The following VPS33B variants were observed in gnomAD, a reference collection of about 807,000 sequenced individuals.
VPS33B encodes the protein vacuolar protein sorting-associated protein 33B.
In VPS33B, 80 loss-of-function variants were observed where a neutral mutation model predicts 95.3. The ratio of observed to expected loss-of-function variants is 0.84; its 90% CI spans 0.70 to 1.01. The LOEUF is 1.01. Among genes scored for constraint, VPS33B ranks in the 50% least tolerant of loss-of-function variants. VPS33B has a pLI of 0.00. For synonymous variants in VPS33B, 280 were observed against 280.4 expected (o/e 1.00, Z 0.01); for missense variants, 715 against 773.4 (o/e 0.92, Z 0.90).
intron 1 of VPS33B, among the ~76,000 whole-genome samples, chr15:91,020,162 T>C (rs996066883): frequency 3.9e-5 from 6 of 152,226 alleles, no homozygotes; most frequent in Admixed American, 3.3e-4. Flanking sequence ...TTATAACTTA[T>C]GGTAGGGCTA....
chr15:91,002,263 G>C lies in VPS33B; in HGVS notation c.1273-81C>G. 2 of 1,576,170 alleles carry C rather than the reference G, an allele frequency of 1.3e-6. No individual in the cohort carries two copies. The highest frequency in any genetic ancestry group is 1.7e-6 in the Non-Finnish European group (2 of 1,155,560). On this transcript the variant is annotated intron_variant, in intron 17 of 22. Transcript: ENST00000333371. This position sits in a 1 kb window ranked among gnomAD's most constrained non-coding sequence, Gnocchi z 4.7. The stretch of plus-strand genomic sequence containing the variant: ...TCAGGTACTACAGAGTTGAGCAGAA[G>C]GACTATGAAGCCTCTGCTGCAGTGT...
At chr15:91,022,127 C>A (rs1287685462) in intron 1 of VPS33B, 27 bp downstream of exon 1, 1 of 1,552,422 alleles carries the variant, frequency 6.4e-7, no homozygotes. Context: ...ACTGTAGATG[C>A]GATAAAGGCG....
chr15:91,008,333 CG>C (rs2040676458), intron 6 of VPS33B, among the ~76,000 whole-genome samples: 1 of 152,170 alleles, frequency 6.6e-6, no homozygotes, highest in African/African-American at 2.4e-5. Context: ...GGTGCAGTCT[CG>C]GCTCACTGCA....
rs978871379 is a variant in VPS33B at position 91,022,330 on chromosome 15, G to A, written c.-81C>T. 1.8e-5 allele frequency: 26 copies of A among 1,415,254 alleles called. No individual in the cohort carries two copies. The highest frequency in any genetic ancestry group is 2.2e-5 in the Non-Finnish European group (23 of 1,052,616). The allele number at this position is 1,415,254 out of a possible 1,614,324, so 87.7% of individuals were successfully genotyped here. A position where few individuals can be genotyped will look rare whatever the true frequency, so the allele number is the denominator to read the frequency against. Reference sequence around the variant, plus strand: ...GGCCGCAGCCCAGGGAAGCGCAAGGGGGGCTATCCTTCAGGCCTGGGCACC... The same window carrying A: ...GGCCGCAGCCCAGGGAAGCGCAAGGAGGGCTATCCTTCAGGCCTGGGCACC... On this transcript the variant is annotated 5_prime_UTR_variant, in exon 1 of 23. Transcript: ENST00000333371.
chr15:90,999,677 CT>C lies in VPS33B; in HGVS notation c.1773del (p.Gly592AlafsTer7). 6.2e-7 allele frequency: 1 copy of C among 1,614,036 alleles called. No individual in the cohort carries two copies. Among genetic ancestry groups the C allele is most frequent in the Non-Finnish European group, 8.5e-7 (1 of 1,179,944 alleles). ...ISALRFLGRE[K>X]GYRFIFLTTA... The stretch of plus-strand genomic sequence containing the variant: ...TTCTCACCTTTCTGCTCTCTCTTAC[CT>C]TTCTCTCTGCCCAGGAACCGGAGGG... On this transcript the variant is annotated frameshift_variant and splice_region_variant, in exon 22 of 23. Transcript: ENST00000333371. LOFTEE classifies it high-confidence loss of function. This position sits in a 1 kb window ranked among gnomAD's most constrained non-coding sequence, Gnocchi z 5.1.
intron 1 of VPS33B, among the ~76,000 whole-genome samples, chr15:91,019,874 C>T (rs1401598584): frequency 1.3e-5 from 2 of 151,446 alleles, no homozygotes; most frequent in Non-Finnish European, 2.9e-5. Context: ...GACGCGATCT[C>T]GGCTCACCGC....
At position 91,005,022 on chromosome 15, in the gene VPS33B, A is replaced by C; in HGVS notation, c.1170+33T>G. 6.2e-7 allele frequency: 1 copy of C among 1,614,152 alleles called. No homozygotes were observed. The highest frequency in any genetic ancestry group is 1.3e-5 in the African/African-American group (1 of 75,034). On this transcript the variant is annotated intron_variant, in intron 15 of 22. Coordinates refer to ENST00000333371, the MANE Select transcript of VPS33B (RefSeq NM_018668.5). This position sits in a 1 kb window ranked among gnomAD's most constrained non-coding sequence, Gnocchi z 6.4. The stretch of plus-strand genomic sequence containing the variant: ...AAGGCCGACCCCACCTCTAAATGCC[A>C]TTCTTGGCACCCCCAGCCCTCCACC...
In VPS33B at chr15:91,018,390, G is replaced by A. The variant is rs1009558160; in HGVS notation, c.97-505C>T. The stretch of plus-strand genomic sequence containing the variant: ...CCCCACCCCACAATCCCTGTCATAC[G>A]ATTCCTGCACCACCACTCCTGACAC... On this transcript the variant is annotated intron_variant, in intron 1 of 22. Coordinates refer to ENST00000333371, the MANE Select transcript of VPS33B (RefSeq NM_018668.5). The surrounding 1 kb of genome is among the most constrained non-coding windows in gnomAD (Gnocchi z 4.7). Among the ~76,000 whole-genome samples, 3 of 152,002 alleles carry A rather than the reference G, an allele frequency of 2.0e-5. No homozygotes were observed. Among genetic ancestry groups the A allele is most frequent in the African/African-American group, 7.3e-5 (3 of 41,368 alleles).
rs1478833803 is a variant in VPS33B, at chr15:91,002,038, C to T, written c.1405+12G>A. On this transcript the variant is annotated intron_variant, in intron 18 of 22. Coordinates refer to ENST00000333371, the MANE Select transcript of VPS33B (RefSeq NM_018668.5). The surrounding 1 kb of genome is among the most constrained non-coding windows in gnomAD (Gnocchi z 4.7). ...ACAGCTGGAGCAGGGGTCACTTGTG[C>T]TCCCTGCTTACCTGCAGCCTTGTCG... The T allele has an allele frequency of 3.1e-6, 5 of 1,613,584 alleles. No homozygotes were observed. Among genetic ancestry groups the T allele is most frequent in the Non-Finnish European group, 4.2e-6 (5 of 1,180,014 alleles).
Position 91,006,085 on chromosome 15 carries a change from G to A in VPS33B, c.853-26C>T. On this transcript the variant is annotated intron_variant, in intron 11 of 22. Coordinates refer to ENST00000333371, the MANE Select transcript of VPS33B (RefSeq NM_018668.5). This position sits in a 1 kb window ranked among gnomAD's most constrained non-coding sequence, Gnocchi z 5.4. The stretch of plus-strand genomic sequence containing the variant: ...CTGTGAGGACAGTAAGACAAGAACA[G>A]CTTACTCTGTCAGAACCATAACTTA... 5 of 1,609,264 alleles carry A rather than the reference G, an allele frequency of 3.1e-6. No individual in the cohort carries two copies. Among genetic ancestry groups the A allele is most frequent in the Non-Finnish European group, 4.3e-6 (5 of 1,175,854 alleles).
chr15:91,004,977 G>A (rs745543028), intron 15 of VPS33B, 46 bp from the exon 16 acceptor site: 5 of 1,614,050 alleles, frequency 3.1e-6, no homozygotes, highest in East Asian at 4.5e-5. Flanking sequence ...TTCACAACAC[G>A]TGTTCTTTTC....
rs2040904713 is a variant in VPS33B at position 91,015,687 on chromosome 15, C to T, written c.240-1254G>A. The stretch of plus-strand genomic sequence containing the variant: ...AAATAAAATAAAATAAAACTATAGG[C>T]GGATGCAGTGCTGCACACTTGTAAT... On this transcript the variant is annotated intron_variant, in intron 3 of 22. Coordinates refer to ENST00000333371, the MANE Select transcript of VPS33B (RefSeq NM_018668.5). This position sits in a 1 kb window ranked among gnomAD's most constrained non-coding sequence, Gnocchi z 4.7. 1.3e-5 allele frequency among the ~76,000 whole-genome samples: 2 copies of T among 151,896 alleles called. No individual in the cohort carries two copies. Among genetic ancestry groups the T allele is most frequent in the East Asian group, 3.9e-4 (2 of 5,182 alleles).
chr15:91,014,049 C>A (rs1242076862), intron 4 of VPS33B, among the ~76,000 whole-genome samples, 178 bp from the exon 5 acceptor site: 1 of 151,976 alleles, frequency 6.6e-6, no homozygotes, highest in Non-Finnish European at 1.5e-5. Context: ...GAAACTCTGT[C>A]TCTACTAAAA....
upstream of VPS33B, chr15:91,022,599 A>C (rs548387078): frequency 4.9e-5 from 9 of 184,202 alleles, no homozygotes; most frequent in South Asian, 1.7e-3. Flanking sequence ...GACTTCCTAG[A>C]TCTCCCGGAA....
chr15:91,015,000 A>C (rs1315238824), intron 3 of VPS33B, among the ~76,000 whole-genome samples: 2 of 152,046 alleles, frequency 1.3e-5, no homozygotes, highest in Admixed American at 6.5e-5. Context: ...CAGGAGTTTG[A>C]GACCAGCCCA....
In VPS33B at chr15:91,004,756, A is replaced by G. The variant is rs569296648; in HGVS notation, c.1225+121T>C. 1.8e-5 allele frequency: 22 copies of G among 1,214,092 alleles called. 1 individual carries two copies. The African/African-American group carries it at 2.4e-4, about 13-fold the overall frequency. 75.2% of individuals were successfully genotyped at this position (1,214,092 alleles called of 1,614,324 possible). On this transcript the variant is annotated intron_variant, in intron 16 of 22. Coordinates refer to ENST00000333371, the MANE Select transcript of VPS33B (RefSeq NM_018668.5). Reference sequence around the variant, plus strand: ...CACCCCAAACAAAAAAGAATCCATTAAATTACAGGGAAACATTCTGTTTGC... The same window carrying G: ...CACCCCAAACAAAAAAGAATCCATTGAATTACAGGGAAACATTCTGTTTGC...
Position 91,013,957 on chromosome 15 carries a change from G to T in VPS33B, c.290-86C>A, listed in dbSNP as rs540042570. ...GAAGCTGCCGGGCACAGTGGTTCACGCCTGTAATCCCAGCACTTGGGAGGC... is the reference window on the plus strand; with the variant it reads ...GAAGCTGCCGGGCACAGTGGTTCACTCCTGTAATCCCAGCACTTGGGAGGC... On this transcript the variant is annotated intron_variant, in intron 4 of 22. Coordinates refer to ENST00000333371, the MANE Select transcript of VPS33B (RefSeq NM_018668.5). The surrounding 1 kb of genome is among the most constrained non-coding windows in gnomAD (Gnocchi z 4.5). 1.3e-6 allele frequency: 2 copies of T among 1,501,164 alleles called. No homozygotes were observed. The highest frequency in any genetic ancestry group is 1.9e-6 in the Non-Finnish European group (2 of 1,079,620). The allele number at this position is 1,501,164 out of a possible 1,614,324, so 93.0% of individuals were successfully genotyped here.
At chr15:91,008,739 T>C (rs1237650373) in intron 6 of VPS33B, among the ~76,000 whole-genome samples, 1 of 152,172 alleles carries the variant, frequency 6.6e-6, no homozygotes, top group African/African-American at 2.4e-5. Context: ...ATCACGGTTG[T>C]GCTCCAAAGA....
Position 91,005,825 on chromosome 15 carries a change from C to A in VPS33B, c.940-41G>T, listed in dbSNP as rs764879653. On this transcript the variant is annotated intron_variant, in intron 12 of 22. Coordinates refer to ENST00000333371, the MANE Select transcript of VPS33B (RefSeq NM_018668.5). The surrounding 1 kb of genome is among the most constrained non-coding windows in gnomAD (Gnocchi z 6.4). Reference sequence around the variant, plus strand: ...CAAAGGTGAACCCCCCAACCTCAGACACGAGAAACCACCACCCTCCCTCAG... The same window carrying A: ...CAAAGGTGAACCCCCCAACCTCAGAAACGAGAAACCACCACCCTCCCTCAG... 1.2e-6 allele frequency: 2 copies of A among 1,612,756 alleles called. No individual in the cohort carries two copies. Among genetic ancestry groups the A allele is most frequent in the South Asian group, 2.2e-5 (2 of 91,058 alleles).
Sources: allele counts gnomAD v4.1 joint callset (sites outside exome capture counted in the v4.1 genomes callset), GRCh38; gene constraint gnomAD v4.1.1; non-coding constraint Gnocchi (gnomAD v3.1); transcripts MANE v1.5; gene names NCBI Gene and HGNC (gene_info 2026-07-23, HGNC 2026-07-21).